BIRC6: variants seen among roughly 807,000 people sequenced by gnomAD.
The protein encoded by BIRC6 is baculoviral IAP repeat containing 6.
BIRC6 carries 98 observed loss-of-function variants against 503.3 expected under a neutral mutation model. The observed-to-expected ratio is 0.19, with a 90% CI of 0.17 to 0.23. BIRC6 has a LOEUF of 0.23. Ranked by LOEUF, BIRC6 falls within the 10% of genes least tolerant of loss-of-function variation. The pLI, the probability that BIRC6 is intolerant of heterozygous loss-of-function variation, is 1.00. For synonymous variants in BIRC6, 2,240 were observed against 2,078.7 expected, an observed-to-expected ratio of 1.08 and a Z score of -2.11; for missense variants, 5,360 against 5,806.0, an observed-to-expected ratio of 0.92 and a Z score of 2.50.
At position 32,549,348 on chromosome 2, in the gene BIRC6, G is replaced by T; in HGVS notation, c.13011G>T (p.Ala4337=). The T allele has an allele frequency of 6.8e-7, 1 of 1,477,062 alleles. No homozygotes were observed. Among genetic ancestry groups the T allele is most frequent in the South Asian group, 1.5e-5 (1 of 67,918 alleles). The allele number at this position is 1,477,062 out of a possible 1,614,324, so 91.5% of individuals were successfully genotyped here. ...GTTACATAAATCCCGTCAGTAGTGC[G>T]GTAAATGGAGAAGCTCAGTCATCTC... ...LASYINPVSS[A]VNGEAQSSHE... Residue 4337 remains alanine, a synonymous_variant, in exon 65 of 74, where the codon GCG becomes GCT. Coordinates refer to ENST00000421745, the MANE Select transcript of BIRC6 (RefSeq NM_016252.4).
At chr2:32,586,846 G>A (rs570336768) in intron 66 of BIRC6, among the ~76,000 whole-genome samples, 3 of 152,044 alleles carry the variant, frequency 2.0e-5, no homozygotes, top group South Asian at 2.1e-4. Flanking sequence ...TTTAGCATTC[G>A]GGTAGTTCAA....
intron 62 of BIRC6, among the ~76,000 whole-genome samples, chr2:32,544,156 G>A (rs1326262050): frequency 6.6e-6 from 1 of 152,042 alleles, no homozygotes; most frequent in African/African-American, 2.4e-5. Context: ...GCTAATATTG[G>A]TAACAGATCA....
At chr2:32,396,661 A>G (rs904616582) in intron 6 of BIRC6, among the ~76,000 whole-genome samples, 10 of 152,222 alleles carry the variant, frequency 6.6e-5, no homozygotes, top group African/African-American at 1.7e-4. Context: ...TCCATAACCT[A>G]TGATAAAGTA....
intron 1 of BIRC6, among the ~76,000 whole-genome samples, chr2:32,364,228 A>G (rs1239256127): frequency 6.6e-6 from 1 of 152,172 alleles, no homozygotes; most frequent in East Asian, 1.9e-4. Flanking sequence ...TGAAGAAGAA[A>G]AAACCTGCTC....
intron 72 of BIRC6, among the ~76,000 whole-genome samples, chr2:32,609,004 C>A (rs866982795): frequency 7.2e-5 from 11 of 151,980 alleles, no homozygotes; most frequent in Non-Finnish European, 1.3e-4. Flanking sequence ...CTCAGCCTCC[C>A]GAGTAGCTGG....
rs779237403 is a variant in BIRC6 at position 32,401,601 on chromosome 2, A to G, written c.1396A>G (p.Ile466Val). ...WLEDSSSCSD[I>V]PKLEGDSDDL... ...GGAGGACTCCTCTAGTTGCTCAGATATACCAAAATTGGAAGGAGATAGGTA... is the reference window on the plus strand; with the variant it reads ...GGAGGACTCCTCTAGTTGCTCAGATGTACCAAAATTGGAAGGAGATAGGTA... The change falls in exon 8 of 74, where the codon ATA (isoleucine) becomes GTA (valine). Residue 466 changes from isoleucine (I) to valine (V), a missense_variant. Transcript: ENST00000421745. 4.3e-6 allele frequency: 7 copies of G among 1,613,462 alleles called. No individual in the cohort carries two copies. Among genetic ancestry groups the G allele is most frequent in the Non-Finnish European group, 5.9e-6 (7 of 1,179,786 alleles).
At chr2:32,579,682 C>T (rs1463870646) in intron 66 of BIRC6, among the ~76,000 whole-genome samples, 4 of 151,930 alleles carry the variant, frequency 2.6e-5, no homozygotes, top group Admixed American at 6.6e-5. Context: ...GAGTGAGACC[C>T]ACTCTGCATG....
At chr2:32,358,586 G>T (rs139375153) in intron 1 of BIRC6, among the ~76,000 whole-genome samples, 46 of 152,360 alleles carry the variant, frequency 3.0e-4, no homozygotes, top group African/African-American at 1.0e-3. Flanking sequence ...GTTTAGCCAA[G>T]TGGAAGTAGT....
In BIRC6 at chr2:32,531,474, C is replaced by A; in HGVS notation, c.12214C>A (p.Gln4072Lys). 6.2e-7 allele frequency: 1 copy of A among 1,613,822 alleles called. No individual in the cohort carries two copies. The highest frequency in any genetic ancestry group is 1.1e-5 in the South Asian group (1 of 91,038). Residue 4072 changes from glutamine to lysine, a missense_variant, in exon 61 of 74, where the codon CAA becomes AAA. Coordinates refer to ENST00000421745, the MANE Select transcript of BIRC6 (RefSeq NM_016252.4). ...AACCTGTCCAATTCAGTCACCATTA[C>A]AAGTTTTTGCAGGAATGGGTGGACT... The part of the protein sequence containing the change: ...LETCPIQSPL[Q>K]VFAGMGGLAL...
At chr2:32,597,136 A>G (rs1347096440) in intron 68 of BIRC6, among the ~76,000 whole-genome samples, 3 of 152,248 alleles carry the variant, frequency 2.0e-5, no homozygotes, top group Non-Finnish European at 2.9e-5. Flanking sequence ...ATTTTCTAGT[A>G]TCATTCTTTT....
At chr2:32,578,087 TGCTA>T (rs1208012292) in intron 66 of BIRC6, among the ~76,000 whole-genome samples, 19 of 152,346 alleles carry the variant, frequency 1.2e-4, no homozygotes, top group African/African-American at 4.6e-4. Flanking sequence ...TCATGGTCTC[TGCTA>T]ATCTGTGCAG....
intron 21 of BIRC6, among the ~76,000 whole-genome samples, chr2:32,447,436 C>A (rs2046144442): frequency 6.8e-6 from 1 of 146,980 alleles, no homozygotes; most frequent in Non-Finnish European, 1.5e-5. Flanking sequence ...GGGGGCTGAC[C>A]CCCCACCTCC....
At chr2:32,389,024 G>A in intron 4 of BIRC6, 81 bp downstream of exon 4, 2 of 969,184 alleles carry the variant, frequency 2.1e-6, no homozygotes, top group Non-Finnish European at 1.4e-6. Context: ...TAGAAAATCT[G>A]GTTATGATTT....
At chr2:32,479,256 T>C (rs2050114028) in intron 36 of BIRC6, among the ~76,000 whole-genome samples, 1 of 152,264 alleles carries the variant, frequency 6.6e-6, no homozygotes, top group Non-Finnish European at 1.5e-5. Flanking sequence ...GTTATGTGTT[T>C]ACTGGATACT....
At chr2:32,459,104 AACTC>A (rs1486077370) in intron 23 of BIRC6, among the ~76,000 whole-genome samples, 1 of 152,110 alleles carries the variant, frequency 6.6e-6, no homozygotes, top group Admixed American at 6.5e-5. Context: ...TTTAAAATAA[AACTC>A]ACAGTGTTAT....
intron 12 of BIRC6, among the ~76,000 whole-genome samples, chr2:32,431,608 A>G (rs772299094): frequency 6.6e-6 from 1 of 152,110 alleles, no homozygotes; most frequent in Non-Finnish European, 1.5e-5. Flanking sequence ...TGTTCCTTCT[A>G]TTTGTCATAT....
intron 61 of BIRC6, among the ~76,000 whole-genome samples, chr2:32,533,847 C>G (rs776319285): frequency 3.9e-5 from 6 of 152,164 alleles, no homozygotes; most frequent in Non-Finnish European, 8.8e-5. Flanking sequence ...TTTTGGATTT[C>G]TGACCTCTGG....
At chr2:32,467,073 C>T (rs1034754462) in intron 26 of BIRC6, among the ~76,000 whole-genome samples, 13 of 150,108 alleles carry the variant, frequency 8.7e-5, no homozygotes, top group African/African-American at 2.5e-4. Context: ...GAGCAGAGAT[C>T]GCGCCACTGC....
chr2:32,366,371 T>G (rs2034930253), intron 1 of BIRC6, among the ~76,000 whole-genome samples: 1 of 152,188 alleles, frequency 6.6e-6, no homozygotes, highest in Non-Finnish European at 1.5e-5. Context: ...CTTTTTGTCT[T>G]TTTGGATTTG....
Sources: gnomAD v4.1 joint callset for allele counts (sites outside exome capture counted in the v4.1 genomes callset) on GRCh38, gnomAD v4.1.1 for gene constraint, MANE v1.5 for transcripts, NCBI Gene and HGNC (gene_info 2026-07-23, HGNC 2026-07-21) for gene names.